The following VAV2 variants were observed in gnomAD, a reference collection of about 807,000 sequenced individuals.
The protein encoded by VAV2 is guanine nucleotide exchange factor VAV2.
Under a neutral mutation model 132.5 loss-of-function variants are expected in VAV2, and 67 were observed. That is an observed-to-expected ratio of 0.51 (90% confidence interval 0.42 to 0.62). VAV2 has a LOEUF of 0.62. VAV2 is among the 20% of genes least tolerant of loss of function. VAV2 has a pLI of 0.00. For synonymous variants in VAV2, 492 were observed against 443.5 expected, an observed-to-expected ratio of 1.11 and a Z score of -1.37; for missense variants, 938 against 1,153.6, an observed-to-expected ratio of 0.81 and a Z score of 2.71.
intron 1 of VAV2, among the ~76,000 whole-genome samples, chr9:133,988,055 C>G (rs1259943089): frequency 6.6e-6 from 1 of 152,208 alleles, no homozygotes; most frequent in East Asian, 1.9e-4. Flanking sequence ...TCCAAGTCCT[C>G]TGAAAATAGG....
At position 133,813,564 on chromosome 9, in the gene VAV2, G is replaced by A. The variant is rs1027393328; in HGVS notation, c.450-1348C>T. Among the ~76,000 whole-genome samples the A allele has an allele frequency of 5.2e-5, 8 of 152,382 alleles. No individual in the cohort carries two copies. The East Asian group carries it at 5.8e-4, about 11-fold the overall frequency. On this transcript the variant is annotated intron_variant, in intron 4 of 29. Coordinates refer to ENST00000371850, the MANE Select transcript of VAV2 (RefSeq NM_001134398.2). Reference sequence around the variant, plus strand: ...CGCTGCAATGCACAAGCCACACGGCGTCCGTCTGTGGGCAAAGCATCTGTG... The same window carrying A: ...CGCTGCAATGCACAAGCCACACGGCATCCGTCTGTGGGCAAAGCATCTGTG...
intron 3 of VAV2, among the ~76,000 whole-genome samples, chr9:133,856,650 G>C (rs546113057): frequency 4.2e-4 from 64 of 152,306 alleles, no homozygotes; most frequent in African/African-American, 1.5e-3. Context: ...CAGTTCAGGG[G>C]GTCAGAAGTC....
intron 4 of VAV2, among the ~76,000 whole-genome samples, chr9:133,827,007 C>G (rs1588231904): frequency 6.6e-6 from 1 of 152,204 alleles, no homozygotes; most frequent in East Asian, 1.9e-4. Flanking sequence ...CCCAGGGCCC[C>G]CCACAGACTG....
chr9:133,783,403 C>T (rs1834081377), intron 19 of VAV2, 100 bp downstream of exon 19: 1 of 1,186,018 alleles, frequency 8.4e-7, no homozygotes, highest in Non-Finnish European at 1.2e-6. Flanking sequence ...GGTCGCTGCC[C>T]CGTGGGAGAT....
rs781128793 is a variant in VAV2 at position 133,769,376 on chromosome 9, C to A, written c.2434+41G>T. The A allele has an allele frequency of 1.9e-6, 3 of 1,575,892 alleles. No homozygotes were observed. The highest frequency in any genetic ancestry group is 2.6e-6 in the Non-Finnish European group (3 of 1,160,874). Reference sequence around the variant, plus strand: ...CGTGCTGGGTCTCCCAAGGCAGCTGCCACAGGCCCGGTCCCCCCACGCCCT... The same window carrying A: ...CGTGCTGGGTCTCCCAAGGCAGCTGACACAGGCCCGGTCCCCCCACGCCCT... On this transcript the variant is annotated intron_variant, in intron 28 of 29. Coordinates refer to ENST00000371850, the MANE Select transcript of VAV2 (RefSeq NM_001134398.2). The surrounding 1 kb of genome is among the most constrained non-coding windows in gnomAD (Gnocchi z 8.1).
chr9:133,944,371 A>C (rs1206428748), intron 1 of VAV2, among the ~76,000 whole-genome samples: 1 of 152,218 alleles, frequency 6.6e-6, no homozygotes, highest in Non-Finnish European at 1.5e-5. Flanking sequence ...GGGGAAACTA[A>C]GCCGGGGGAG....
chr9:133,779,719 C>G (rs1310686961), intron 21 of VAV2, among the ~76,000 whole-genome samples, 199 bp downstream of exon 21: 3 of 152,154 alleles, frequency 2.0e-5, no homozygotes, highest in Admixed American at 6.5e-5. Context: ...GCTGCCTTAT[C>G]AGAAACAGAG....
intron 2 of VAV2, among the ~76,000 whole-genome samples, chr9:133,899,742 C>T (rs1839363522): frequency 6.9e-6 from 1 of 145,636 alleles, no homozygotes; most frequent in Non-Finnish European, 1.5e-5. Context: ...GCTGGGTGTG[C>T]CGGGCGTGGT....
intron 2 of VAV2, among the ~76,000 whole-genome samples, chr9:133,914,164 G>C (rs894478881): frequency 6.6e-6 from 1 of 152,194 alleles, no homozygotes; most frequent in Non-Finnish European, 1.5e-5. Context: ...CTGGGGCTTC[G>C]AGACAGATGT....
intron 22 of VAV2, 33 bp downstream of exon 22, chr9:133,778,729 G>T: frequency 6.2e-7 from 1 of 1,608,450 alleles, no homozygotes; most frequent in Non-Finnish European, 8.5e-7. Context: ...CTGGAGCCGG[G>T]GACCCTCGAC....
At position 133,961,469 on chromosome 9, in the gene VAV2, T is replaced by C. The variant is rs1416260167; in HGVS notation, c.205-22250A>G. On this transcript the variant is annotated intron_variant, in intron 1 of 29. Coordinates refer to ENST00000371850, the MANE Select transcript of VAV2 (RefSeq NM_001134398.2). This position sits in a 1 kb window ranked among gnomAD's most constrained non-coding sequence, Gnocchi z 4.1. ...ACCAGAGGGCCCTGGAATCCCCTTCTCCAACCCAGTCGGGTTTCAGTGACC... is the reference window on the plus strand; with the variant it reads ...ACCAGAGGGCCCTGGAATCCCCTTCCCCAACCCAGTCGGGTTTCAGTGACC... Among the ~76,000 whole-genome samples the C allele has an allele frequency of 6.6e-6, 1 of 152,072 alleles. No homozygotes were observed. The highest frequency in any genetic ancestry group is 1.5e-5 in the Non-Finnish European group (1 of 68,008).
intron 26 of VAV2, 23 bp downstream of exon 26, chr9:133,771,936 G>C (rs758505295): frequency 6.2e-7 from 1 of 1,610,968 alleles, no homozygotes. Context: ...GGTGGGAGCC[G>C]GCCGGAGCCA....
intron 1 of VAV2, among the ~76,000 whole-genome samples, chr9:133,980,239 G>A (rs1018475152): frequency 6.6e-6 from 1 of 152,314 alleles, no homozygotes; most frequent in East Asian, 1.9e-4. Flanking sequence ...GCGCTCCAGA[G>A]GCAAGAGACC....
At chr9:133,976,715 G>A (rs567512143) in intron 1 of VAV2, among the ~76,000 whole-genome samples, 10 of 152,304 alleles carry the variant, frequency 6.6e-5, no homozygotes, top group South Asian at 2.1e-4. Context: ...TATTCTGGAC[G>A]TTTTAAGAGA....
chr9:133,960,560 T>G (rs987200575), intron 1 of VAV2, among the ~76,000 whole-genome samples: 18 of 152,324 alleles, frequency 1.2e-4, no homozygotes, highest in African/African-American at 3.8e-4. Flanking sequence ...GCCAATTATT[T>G]CCCAAGCCAG....
chr9:133,780,115 T>C (rs1430088230), intron 20 of VAV2, 176 bp from the exon 21 acceptor site: 1 of 783,610 alleles, frequency 1.3e-6, no homozygotes, highest in East Asian at 2.6e-5. Flanking sequence ...CCTGGCAATA[T>C]ATTTCACCTC....
rs566068289 is a variant in VAV2 at position 133,885,713 on chromosome 9, C to T, written c.322-24281G>A. On this transcript the variant is annotated intron_variant, in intron 2 of 29. Transcript: ENST00000371850. This position sits in a 1 kb window ranked among gnomAD's most constrained non-coding sequence, Gnocchi z 5.0. ...CTGCATCTGGCCTCACCAGGTGATG[C>T]TCAGCTGCCCCAAGATGGAGGTGGG... Among the ~76,000 whole-genome samples, 233 of 152,320 alleles carry T rather than the reference C, an allele frequency of 1.5e-3. No individual in the cohort carries two copies. Among genetic ancestry groups the T allele is most frequent in the African/African-American group, 5.5e-3 (227 of 41,574 alleles).
At chr9:133,837,599 T>A (rs571751401) in intron 3 of VAV2, among the ~76,000 whole-genome samples, 3,652 of 151,764 alleles carry the variant, frequency 0.024, 124 homozygotes, top group African/African-American at 0.083. Context: ...CTCGGGAAGC[T>A]GAGGCAGGAG....
At chr9:133,958,261 G>A (rs978321083) in intron 1 of VAV2, among the ~76,000 whole-genome samples, 2 of 125,988 alleles carry the variant, frequency 1.6e-5, no homozygotes, top group Non-Finnish European at 3.6e-5. Context: ...CAAGAGGAAG[G>A]CATCTGTCTC....
Sources: gnomAD v4.1 joint callset for allele counts (sites outside exome capture counted in the v4.1 genomes callset) on GRCh38, gnomAD v4.1.1 for gene constraint, Gnocchi (gnomAD v3.1) non-coding constraint, MANE v1.5 for transcripts, NCBI Gene and HGNC (gene_info 2026-07-23, HGNC 2026-07-21) for gene names.